DLGAP1: variants seen among roughly 807,000 people sequenced by gnomAD.
DLGAP1 encodes DLG associated protein 1.
Under a neutral mutation model 90.8 loss-of-function variants are expected in DLGAP1, and 11 were observed. The ratio of observed to expected loss-of-function variants is 0.12; its 90% CI spans 0.08 to 0.20. The LOEUF is 0.20. Ranked by LOEUF, DLGAP1 falls within the 10% of genes least tolerant of loss-of-function variation. The pLI, the probability that DLGAP1 is intolerant of heterozygous loss-of-function variation, is 1.00. For synonymous variants in DLGAP1, 558 were observed against 540.7 expected (o/e 1.03, Z -0.44); for missense variants, 1,050 against 1,333.8 (o/e 0.79, Z 3.31).
At chr18:3,607,537 A>AT (rs1445167023) in intron 7 of DLGAP1, 1 of 152,228 alleles carries the variant, frequency 6.6e-6, no homozygotes. Context: ...ATTATTTGAT[A>AT]TCTCACTGTC....
At chr18:3,568,511 T>A (rs1030754297) in intron 8 of DLGAP1, among the ~76,000 whole-genome samples, 13 of 152,054 alleles carry the variant, frequency 8.5e-5, no homozygotes, top group African/African-American at 3.1e-4. Context: ...TTTCCTACTA[T>A]GTGTTTAAGA....
chr18:4,228,798 T>C (rs551583632), intron 1 of DLGAP1, among the ~76,000 whole-genome samples: 1 of 151,934 alleles, frequency 6.6e-6, no homozygotes, highest in Non-Finnish European at 1.5e-5. Context: ...GCATGTACAC[T>C]TTCAGCACTT....
chr18:4,051,776 G>T (rs909183411), intron 2 of DLGAP1, among the ~76,000 whole-genome samples: 3 of 152,066 alleles, frequency 2.0e-5, no homozygotes, highest in Non-Finnish European at 4.4e-5. Flanking sequence ...AGTCCCTTCT[G>T]CCCATGAGAC....
In DLGAP1 at chr18:4,239,981, C is replaced by T. The variant is rs78843723; in HGVS notation, c.-266-88694G>A. On this transcript the variant is annotated intron_variant, in intron 1 of 12. Transcript: ENST00000315677. ...TCCATGCCCTGTTTGTTTATTTAAA[C>T]CTCTTTTTTCATCTTCTTAGTCTTT... Among the ~76,000 whole-genome samples the T allele has an allele frequency of 7.4e-3, 1,122 of 152,232 alleles. 16 individuals carry two copies. Among genetic ancestry groups the T allele is most frequent in the African/African-American group, 0.026 (1,071 of 41,550 alleles).
intron 8 of DLGAP1, among the ~76,000 whole-genome samples, chr18:3,579,454 C>G (rs2055359921): frequency 6.6e-6 from 1 of 152,224 alleles, no homozygotes; most frequent in Non-Finnish European, 1.5e-5. Flanking sequence ...AGGTGACCCA[C>G]CCGCCTTGGC....
chr18:4,030,693 G>A (rs2074782157), intron 2 of DLGAP1, among the ~76,000 whole-genome samples: 1 of 152,212 alleles, frequency 6.6e-6, no homozygotes, highest in Admixed American at 6.5e-5. Context: ...GGCTGAGGCG[G>A]GCAGACTGCT....
At chr18:4,257,684 G>C (rs2078917245) in intron 1 of DLGAP1, among the ~76,000 whole-genome samples, 1 of 151,316 alleles carries the variant, frequency 6.6e-6, no homozygotes, top group African/African-American at 2.4e-5. Context: ...GAGTGCAGTG[G>C]CACGATCTTG....
intron 7 of DLGAP1, among the ~76,000 whole-genome samples, chr18:3,651,597 A>T (rs1226211743): frequency 6.6e-6 from 1 of 152,098 alleles, no homozygotes; most frequent in East Asian, 1.9e-4. Context: ...GTTTGAGACC[A>T]GCCTGGCCAA....
chr18:3,905,870 G>T (rs183323515), intron 3 of DLGAP1, among the ~76,000 whole-genome samples: 42 of 152,278 alleles, frequency 2.8e-4, no homozygotes, highest in Admixed American at 2.5e-3. Flanking sequence ...CTACAAAAGG[G>T]TTCGAAGTTT....
intron 2 of DLGAP1, among the ~76,000 whole-genome samples, chr18:4,134,591 A>G (rs1444786212): frequency 3.3e-5 from 5 of 152,164 alleles, no homozygotes; most frequent in Non-Finnish European, 5.9e-5. Context: ...ATAAAAATGG[A>G]TCAAAATGTG....
At chr18:3,657,036 A>G (rs12604684) in intron 7 of DLGAP1, among the ~76,000 whole-genome samples, 39,444 of 152,096 alleles carry the variant, frequency 0.26, 7,735 homozygotes, top group African/African-American at 0.55. Flanking sequence ...GTGAGCCACC[A>G]CATTTGGCTT....
rs80312593 is a variant in DLGAP1 at position 3,975,549 on chromosome 18, T to C, written c.-73+29567A>G. 3.6e-3 allele frequency among the ~76,000 whole-genome samples: 549 copies of C among 152,208 alleles called. 6 individuals carry two copies. Among genetic ancestry groups the C allele is most frequent in the African/African-American group, 0.012 (503 of 41,520 alleles). ...AAAAAAATTAAACACAGAATTACCG[T>C]ATGATCCAGCAATCCCACTATGGGT... On this transcript the variant is annotated intron_variant, in intron 3 of 12. Transcript: ENST00000315677.
At chr18:3,845,660 G>C (rs142968760) in intron 4 of DLGAP1, 4 of 946,904 alleles carry the variant, frequency 4.2e-6, no homozygotes, top group Non-Finnish European at 2.5e-6. Context: ...GCCCATATAG[G>C]GGGTAACGTA....
chr18:3,914,389 CTTTT>C (rs35571842), intron 3 of DLGAP1, among the ~76,000 whole-genome samples: 4 of 151,960 alleles, frequency 2.6e-5, no homozygotes, highest in African/African-American at 7.3e-5. Context: ...GGATTTCTTT[CTTTT>C]TAAGACTGAA....
At chr18:3,989,691 C>G (rs1223262357) in intron 3 of DLGAP1, among the ~76,000 whole-genome samples, 1 of 152,162 alleles carries the variant, frequency 6.6e-6, no homozygotes, top group Admixed American at 6.6e-5. Context: ...TCAGAGTGAA[C>G]AGGCAACCTA....
intron 3 of DLGAP1, among the ~76,000 whole-genome samples, chr18:3,925,145 G>C (rs1369776124): frequency 6.6e-6 from 1 of 152,042 alleles, no homozygotes; most frequent in Non-Finnish European, 1.5e-5. Flanking sequence ...TAGAGATGGG[G>C]TTTCACCATG....
intron 1 of DLGAP1, among the ~76,000 whole-genome samples, chr18:4,265,103 T>TTTCCTTCCTTCCTTCCTTCCTTCC (rs150589333): frequency 7.6e-4 from 106 of 139,700 alleles, no homozygotes; most frequent in African/African-American, 2.6e-3. Flanking sequence ...TAATGTAATT[T>TTTCCTTCCTTCCTTCCTTCCTTCC]TTCCTTCCTT....
In DLGAP1 at chr18:4,211,302, C is replaced by G. The variant is rs144607656; in HGVS notation, c.-266-60015G>C. Among the ~76,000 whole-genome samples the G allele has an allele frequency of 5.8e-4, 88 of 152,302 alleles. 1 individual carries two copies. The South Asian group carries it at 6.4e-3, about 11-fold the overall frequency. On this transcript the variant is annotated intron_variant, in intron 1 of 12. Coordinates refer to ENST00000315677, the MANE Select transcript of DLGAP1 (RefSeq NM_004746.4). ...AGCAGCTTGTAGAGAATGATAAACACCTGTTCTTCATAACGCCTAAGTACA... is the reference window on the plus strand; with the variant it reads ...AGCAGCTTGTAGAGAATGATAAACAGCTGTTCTTCATAACGCCTAAGTACA...
intron 4 of DLGAP1, among the ~76,000 whole-genome samples, chr18:3,834,977 A>G (rs910581795): frequency 6.6e-6 from 1 of 152,250 alleles, no homozygotes; most frequent in Non-Finnish European, 1.5e-5. Context: ...CCACAGAATC[A>G]GAAATTAGAA....
Sources: gnomAD v4.1 joint callset for allele counts (sites outside exome capture counted in the v4.1 genomes callset) on GRCh38, gnomAD v4.1.1 for gene constraint, MANE v1.5 for transcripts, NCBI Gene and HGNC (gene_info 2026-07-23, HGNC 2026-07-21) for gene names.